The following HIP1 variants were observed in gnomAD, a reference collection of about 807,000 sequenced individuals.
HIP1 encodes huntingtin interacting protein 1.
Under a neutral mutation model 147.6 loss-of-function variants are expected in HIP1, and 65 were observed. The observed-to-expected ratio is 0.44, with a 90% CI of 0.36 to 0.54. The LOEUF (loss-of-function observed/expected upper bound fraction) is 0.54, where lower values mean the gene tolerates loss of function less well. HIP1 is among the 20% of genes least tolerant of loss of function. The probability of loss-of-function intolerance (pLI) is 0.00; values close to 1 mark genes in which losing one functional copy is unlikely to be tolerated. For synonymous variants in HIP1, 479 were observed against 504.0 expected, an observed-to-expected ratio of 0.95 and a Z score of 0.67; for missense variants, 1,061 against 1,299.6, an observed-to-expected ratio of 0.82 and a Z score of 2.82.
At chr7:75,715,347 T>A (rs574996089) in intron 1 of HIP1, among the ~76,000 whole-genome samples, 1 of 150,466 alleles carries the variant, frequency 6.6e-6, no homozygotes, top group East Asian at 2.0e-4. Flanking sequence ...GCTATGATTG[T>A]GCCAGTGCAA....
intron 1 of HIP1, among the ~76,000 whole-genome samples, chr7:75,689,298 G>A (rs1462502462): frequency 3.3e-5 from 5 of 152,294 alleles, no homozygotes; most frequent in African/African-American, 1.2e-4. Context: ...TTGAGGTCAG[G>A]AATTCGAGAC....
intron 5 of HIP1, among the ~76,000 whole-genome samples, chr7:75,582,595 GGGT>G (rs1554498822): frequency 6.6e-6 from 1 of 152,062 alleles, no homozygotes; most frequent in Non-Finnish European, 1.5e-5. Flanking sequence ...GGATCACTTG[GGGT>G]CAGGAATTAG....
intron 1 of HIP1, among the ~76,000 whole-genome samples, chr7:75,663,038 C>A (rs1043502366): frequency 1.2e-4 from 19 of 152,186 alleles, no homozygotes; most frequent in African/African-American, 4.6e-4. Context: ...AGTTGCCCAT[C>A]TGATATTTGC....
chr7:75,538,682 C>A (rs1554489240), intron 30 of HIP1, among the ~76,000 whole-genome samples: 21 of 150,678 alleles, frequency 1.4e-4, no homozygotes, highest in Non-Finnish European at 8.8e-5. Flanking sequence ...TCACGCCATT[C>A]TCCTGCCTCA....
chr7:75,612,515 A>T (rs1797478843), intron 1 of HIP1, among the ~76,000 whole-genome samples: 1 of 151,100 alleles, frequency 6.6e-6, no homozygotes, highest in Non-Finnish European at 1.5e-5. Context: ...CTCACAAAAA[A>T]AATAAAATAA....
At chr7:75,643,601 G>A (rs1195939835) in intron 1 of HIP1, among the ~76,000 whole-genome samples, 1 of 152,200 alleles carries the variant, frequency 6.6e-6, no homozygotes, top group Non-Finnish European at 1.5e-5. Flanking sequence ...GGATGGGAAG[G>A]GTTAGTCCAA....
intron 1 of HIP1, among the ~76,000 whole-genome samples, chr7:75,727,164 G>A (rs141954732): frequency 1.4e-3 from 216 of 152,218 alleles, no homozygotes; most frequent in African/African-American, 5.0e-3. Flanking sequence ...AGGCTGGAGT[G>A]TAGTGGTGTG....
At chr7:75,559,706 C>CGGG in intron 14 of HIP1, 26 bp downstream of exon 14, 2 of 764,176 alleles carry the variant, frequency 2.6e-6, no homozygotes, top group Non-Finnish European at 2.0e-6. Flanking sequence ...CCCCGGGGCC[C>CGGG]GCCCCCGCCC....
intron 1 of HIP1, among the ~76,000 whole-genome samples, chr7:75,680,607 ACTTTTTTTT>A (rs1195000260): frequency 2.1e-5 from 2 of 97,200 alleles, no homozygotes; most frequent in Non-Finnish European, 4.2e-5. Flanking sequence ...ATAAAATATA[ACTTTTTTTT>A]CTTTTTTTTT....
chr7:75,615,095 C>T (rs1163515777), intron 1 of HIP1, among the ~76,000 whole-genome samples: 2 of 151,542 alleles, frequency 1.3e-5, no homozygotes, highest in African/African-American at 4.8e-5. Flanking sequence ...TTACTGAATA[C>T]CTACTACACG....
intron 1 of HIP1, among the ~76,000 whole-genome samples, chr7:75,646,126 C>T (rs1798793596): frequency 6.6e-6 from 1 of 152,110 alleles, no homozygotes. Flanking sequence ...GTTACCCAGG[C>T]TGGAGTGCAG....
intron 1 of HIP1, among the ~76,000 whole-genome samples, chr7:75,669,599 C>T (rs1465053944): frequency 2.0e-5 from 3 of 151,758 alleles, no homozygotes; most frequent in African/African-American, 7.3e-5. Flanking sequence ...AACACCATAC[C>T]TGTTAGTAGT....
At chr7:75,694,153 C>T (rs1233654712) in intron 1 of HIP1, among the ~76,000 whole-genome samples, 3 of 152,034 alleles carry the variant, frequency 2.0e-5, no homozygotes, top group South Asian at 2.1e-4. Flanking sequence ...TTCCTAACCT[C>T]GTGATCCACC....
Position 75,534,949 on chromosome 7 carries a change from A to G in HIP1, c.*3223T>C. ...TTAGAAGGCTTGCAGGTTCATTTTT[A>G]GCTTTAAGATGTGATTCCCGTTTTA... On this transcript the variant is annotated 3_prime_UTR_variant, in exon 31 of 31. Transcript: ENST00000336926. The G allele has an allele frequency of 4.8e-6, 1 of 206,674 alleles. No individual in the cohort carries two copies. The highest frequency in any genetic ancestry group is 7.4e-5 in the East Asian group (1 of 13,596). The allele number at this position is 206,674 out of a possible 1,614,324, so 12.8% of individuals were successfully genotyped here. A position where few individuals can be genotyped will look rare whatever the true frequency, so the allele number is the denominator to read the frequency against.
chr7:75,592,561 G>A (rs1563227906), intron 2 of HIP1, 47 bp from the exon 3 acceptor site: 2 of 1,576,772 alleles, frequency 1.3e-6, no homozygotes, highest in Non-Finnish European at 1.7e-6. Flanking sequence ...GCCAGTCACT[G>A]CAGGGGACTG....
intron 1 of HIP1, among the ~76,000 whole-genome samples, chr7:75,651,983 T>C (rs1181110516): frequency 6.7e-6 from 1 of 148,976 alleles, no homozygotes; most frequent in Non-Finnish European, 1.5e-5. Flanking sequence ...CACTGCAGCC[T>C]GGGCGACAGA....
intron 1 of HIP1, among the ~76,000 whole-genome samples, chr7:75,694,354 C>A (rs1800561370): frequency 6.6e-6 from 1 of 152,098 alleles, no homozygotes; most frequent in East Asian, 1.9e-4. Flanking sequence ...GCTGGGCATG[C>A]GTGGTCGGCA....
chr7:75,611,464 C>T (rs1420614326), intron 1 of HIP1, among the ~76,000 whole-genome samples: 6 of 117,446 alleles, frequency 5.1e-5, no homozygotes, highest in Non-Finnish European at 9.7e-5. Context: ...GAGACTCTGT[C>T]TCAAAAAAAA....
intron 1 of HIP1, among the ~76,000 whole-genome samples, chr7:75,737,228 A>T (rs1802052054): frequency 6.6e-6 from 1 of 151,748 alleles, no homozygotes; most frequent in Admixed American, 6.6e-5. Context: ...ACCCAGCCTA[A>T]TTTTTTTATT....
Sources: gnomAD v4.1 joint callset for allele counts (sites outside exome capture counted in the v4.1 genomes callset) on GRCh38, gnomAD v4.1.1 for gene constraint, MANE v1.5 for transcripts, NCBI Gene and HGNC (gene_info 2026-07-23, HGNC 2026-07-21) for gene names.